Variants in LYN observed in about 807,000 individuals in gnomAD.
The protein encoded by LYN is tyrosine-protein kinase Lyn.
A neutral mutation model predicts 65.0 loss-of-function variants in LYN; 12 were observed. The ratio of observed to expected loss-of-function variants is 0.18; its 90% CI spans 0.12 to 0.30. The LOEUF is 0.30. Ranked by LOEUF, LYN falls within the 10% of genes least tolerant of loss-of-function variation. LYN has a pLI of 1.00. For missense variants in LYN, 380 were observed against 623.2 expected (o/e 0.61, Z 4.16); for synonymous variants, 222 against 221.2 (o/e 1.00, Z -0.03).
intron 1 of LYN, among the ~76,000 whole-genome samples, chr8:55,898,068 A>T (rs570745829): frequency 6.6e-6 from 1 of 152,248 alleles, no homozygotes; most frequent in Non-Finnish European, 1.5e-5. Context: ...ATTTTAATAC[A>T]TGTGCAGATT....
At chr8:55,899,078 T>C (rs2130377840) in intron 1 of LYN, among the ~76,000 whole-genome samples, 1 of 152,324 alleles carries the variant, frequency 6.6e-6, no homozygotes, top group Non-Finnish European at 1.5e-5. Flanking sequence ...CCCAGCTAAG[T>C]TTCTTTCTTA....
At chr8:55,917,355 T>A (rs1298102147) in intron 1 of LYN, among the ~76,000 whole-genome samples, 2 of 152,186 alleles carry the variant, frequency 1.3e-5, no homozygotes, top group East Asian at 3.9e-4. Context: ...CCAGCTAATT[T>A]TAGTTTTTTG....
chr8:56,003,317 T>G (rs902623442), intron 12 of LYN, among the ~76,000 whole-genome samples: 16 of 152,134 alleles, frequency 1.1e-4, no homozygotes, highest in Non-Finnish European at 1.8e-4. Flanking sequence ...CGCCTTGGCC[T>G]GCCAAAGTGC....
intron 1 of LYN, among the ~76,000 whole-genome samples, chr8:55,908,222 C>CATTTATTTATTTATTT (rs60930363): frequency 0.039 from 5,624 of 142,998 alleles, 282 homozygotes; most frequent in African/African-American, 0.1. Context: ...CTGTTTAAAC[C>CATTTATTTATTTATTT]ATTTATTTAT....
chr8:55,953,828 T>C lies in LYN; in HGVS notation c.638-4T>C, dbSNP rs1266459520. On this transcript the variant is annotated splice_region_variant and splice_polypyrimidine_tract_variant and intron_variant, in intron 7 of 12. Transcript: ENST00000519728. The stretch of plus-strand genomic sequence containing the variant: ...TTAACCTTCATTTTTCCCTTTCAAA[T>C]TAGAGCAGGCAGATGGCTTGTGCAG... 2 of 1,612,492 alleles carry C rather than the reference T, an allele frequency of 1.2e-6. No individual in the cohort carries two copies. The highest frequency in any genetic ancestry group is 2.7e-5 in the African/African-American group (2 of 74,702).
chr8:55,959,058 A>G (rs775800319), intron 8 of LYN, among the ~76,000 whole-genome samples: 1 of 152,134 alleles, frequency 6.6e-6, no homozygotes, highest in Non-Finnish European at 1.5e-5. Context: ...CGGCTGCACC[A>G]TTTTACATTC....
intron 9 of LYN, 114 bp from the exon 10 acceptor site, chr8:55,969,603 A>G: frequency 1.2e-6 from 1 of 825,308 alleles, no homozygotes; most frequent in East Asian, 2.4e-5. Context: ...ACAGAATTGC[A>G]AAGCCAATCA....
intron 1 of LYN, among the ~76,000 whole-genome samples, chr8:55,908,989 G>GTA (rs373570614): frequency 0.045 from 901 of 20,188 alleles, 48 homozygotes; most frequent in African/African-American, 0.13. Flanking sequence ...CATTGTGTAT[G>GTA]TATATATATA....
intron 12 of LYN, among the ~76,000 whole-genome samples, chr8:56,001,974 A>C (rs1402715773): frequency 6.6e-6 from 1 of 152,120 alleles, no homozygotes; most frequent in Non-Finnish European, 1.5e-5. Context: ...TTTGGGGTGA[A>C]AAATCATTTT....
chr8:55,882,757 G>T (rs1327048811), intron 1 of LYN, among the ~76,000 whole-genome samples: 2 of 152,168 alleles, frequency 1.3e-5, no homozygotes, highest in African/African-American at 2.4e-5. Flanking sequence ...ACCTCTTGTG[G>T]CTCCTATAGG....
intron 1 of LYN, among the ~76,000 whole-genome samples, chr8:55,917,452 G>A (rs1805810400): frequency 6.6e-6 from 1 of 152,188 alleles, no homozygotes; most frequent in African/African-American, 2.4e-5. Flanking sequence ...TCACAGTGCT[G>A]GGATTATAGG....
Position 55,951,977 on chromosome 8 carries a change from C to T in LYN, c.499C>T (p.Leu167=). The change falls in exon 7 of 13, where the codon CTG becomes TTG. Residue 167 remains leucine, a synonymous_variant. Coordinates refer to ENST00000519728, the MANE Select transcript of LYN (RefSeq NM_002350.4). ...ESETLKGSFS[L]SVRDFDPVHG... The stretch of plus-strand genomic sequence containing the variant: ...TTTTCCCCCCATAGGAAGCTTCTCT[C>T]TGTCTGTCAGAGACTTTGACCCTGT... 6.2e-7 allele frequency: 1 copy of T among 1,610,258 alleles called. No individual in the cohort carries two copies. Among genetic ancestry groups the T allele is most frequent in the South Asian group, 1.1e-5 (1 of 89,992 alleles).
At chr8:55,976,920 C>A (rs1019792001) in intron 10 of LYN, among the ~76,000 whole-genome samples, 1 of 152,134 alleles carries the variant, frequency 6.6e-6, no homozygotes, top group Non-Finnish European at 1.5e-5. Flanking sequence ...CACAGTGGCT[C>A]ATGGCTGTAA....
intron 10 of LYN, among the ~76,000 whole-genome samples, chr8:55,996,784 G>A (rs957257724): frequency 6.6e-6 from 1 of 152,022 alleles, no homozygotes; most frequent in African/African-American, 2.4e-5. Context: ...GCCTCCCTAT[G>A]TTATTGTTGT....
chr8:55,918,784 G>A (rs1008335031), intron 1 of LYN, among the ~76,000 whole-genome samples: 7 of 152,100 alleles, frequency 4.6e-5, no homozygotes, highest in Admixed American at 3.3e-4. Flanking sequence ...CCACCACTGG[G>A]CCAGCCAACT....
intron 1 of LYN, among the ~76,000 whole-genome samples, chr8:55,934,752 T>C (rs1287453357): frequency 6.6e-6 from 1 of 152,134 alleles, no homozygotes; most frequent in Non-Finnish European, 1.5e-5. Context: ...TGTAACTAGC[T>C]AGCTAGTCTT....
At chr8:55,998,584 T>C (rs559294539) in intron 11 of LYN, 85 bp downstream of exon 11, 2 of 1,311,950 alleles carry the variant, frequency 1.5e-6, no homozygotes, top group Non-Finnish European at 2.2e-6. Flanking sequence ...ATTACAATAG[T>C]CACCATTAAG....
intron 1 of LYN, among the ~76,000 whole-genome samples, chr8:55,901,651 C>T (rs143405646): frequency 2.0e-5 from 3 of 152,244 alleles, no homozygotes; most frequent in Admixed American, 6.5e-5. Flanking sequence ...ATTTTCAGTG[C>T]TGATTCAGAA....
At chr8:55,887,461 G>A (rs973443239) in intron 1 of LYN, among the ~76,000 whole-genome samples, 6 of 150,882 alleles carry the variant, frequency 4.0e-5, no homozygotes, top group African/African-American at 9.7e-5. Context: ...ACTTCTGTAC[G>A]TCTTTATATT....
Sources: gnomAD v4.1 joint callset for allele counts (sites outside exome capture counted in the v4.1 genomes callset) on GRCh38, gnomAD v4.1.1 for gene constraint, MANE v1.5 for transcripts, NCBI Gene and HGNC (gene_info 2026-07-23, HGNC 2026-07-21) for gene names.